The following TEX261 variants were observed in gnomAD, a reference collection of about 807,000 sequenced individuals.
TEX261 encodes testis expressed 261, also known as protein TEX261.
Under a neutral mutation model 25.1 loss-of-function variants are expected in TEX261, and 13 were observed. The observed-to-expected ratio is 0.52, with a 90% CI of 0.34 to 0.82. The LOEUF (loss-of-function observed/expected upper bound fraction) is 0.82, where lower values mean the gene tolerates loss of function less well. TEX261 is among the 40% of genes least tolerant of loss of function. The pLI is 0.02. For missense variants in TEX261, 206 were observed against 243.2 expected, an observed-to-expected ratio of 0.85 and a Z score of 1.02; for synonymous variants, 92 against 97.8, an observed-to-expected ratio of 0.94 and a Z score of 0.35.
chr2:70,993,648 G>A, intron 2 of TEX261, 48 bp downstream of exon 2: 1 of 1,490,068 alleles, frequency 6.7e-7, no homozygotes, highest in African/African-American at 1.4e-5. Context: ...CTGCTTTTGA[G>A]GCAGGGCAAA....
At chr2:70,988,857 G>A (rs1553425247) in intron 5 of TEX261, 58 bp downstream of exon 5, 2 of 1,585,328 alleles carry the variant, frequency 1.3e-6, no homozygotes, top group Admixed American at 3.4e-5. Flanking sequence ...GTGGACCCCT[G>A]CCAACCCAGG....
intron 2 of TEX261, among the ~76,000 whole-genome samples, chr2:70,992,613 C>A (rs1553425766): frequency 6.6e-6 from 1 of 151,932 alleles, no homozygotes; most frequent in Non-Finnish European, 1.5e-5. Flanking sequence ...CCTATAATCC[C>A]AGCTACTCGG....
At chr2:70,989,137 C>T (rs781784575) in intron 4 of TEX261, 120 bp from the exon 5 acceptor site, 1 of 841,846 alleles carries the variant, frequency 1.2e-6, no homozygotes, top group Non-Finnish European at 2.0e-6. Context: ...AAAGGGGGCC[C>T]AGGCCTGGGA....
chr2:70,991,647 A>G (rs1670300235), intron 3 of TEX261, 183 bp downstream of exon 3: 1 of 631,432 alleles, frequency 1.6e-6, no homozygotes, highest in Non-Finnish European at 2.7e-6. Context: ...AACAAATTCT[A>G]TTCACTAGAG....
intron 3 of TEX261, among the ~76,000 whole-genome samples, chr2:70,990,771 T>C (rs1402850249): frequency 1.3e-5 from 2 of 152,176 alleles, no homozygotes; most frequent in African/African-American, 2.4e-5. Flanking sequence ...AAAACTCTTT[T>C]AGGCATTAAA....
At chr2:70,993,554 G>C (rs1475391024) in intron 2 of TEX261, 142 bp downstream of exon 2, 2 of 729,524 alleles carry the variant, frequency 2.7e-6, no homozygotes, top group Non-Finnish European at 4.8e-6. Context: ...AAAAGACAGC[G>C]TTCAGGGCAA....
At chr2:70,989,044 G>A (rs1553425295) in intron 4 of TEX261, 27 bp from the exon 5 acceptor site, 1 of 1,599,610 alleles carries the variant, frequency 6.3e-7, no homozygotes, top group Non-Finnish European at 8.5e-7. Flanking sequence ...CTGAGAAGAG[G>A]GTGCCCCGGA....
At chr2:70,991,681 A>G (rs1227204739) in intron 3 of TEX261, 149 bp downstream of exon 3, 4 of 910,250 alleles carry the variant, frequency 4.4e-6, no homozygotes, top group Non-Finnish European at 6.6e-6. Flanking sequence ...TAGAGTCCTC[A>G]GCAGTAAGAA....
At position 70,994,843 on chromosome 2, in the gene TEX261, C is replaced by A; in HGVS notation, c.-86G>T. The A allele has an allele frequency of 8.0e-7, 1 of 1,251,140 alleles. No individual in the cohort carries two copies. The highest frequency in any genetic ancestry group is 1.0e-6 in the Non-Finnish European group (1 of 995,324). The allele number at this position is 1,251,140 out of a possible 1,614,324, so 77.5% of individuals were successfully genotyped here. ...GACACACAGCCGCCACCGCCGCCGC[C>A]GCCGCCGCGTCCCCGCCCCGCGGAC... is the stretch of plus-strand genomic sequence containing the variant. On this transcript the variant is annotated 5_prime_UTR_variant, in exon 1 of 6. Transcript: ENST00000272438.
intron 1 of TEX261, among the ~76,000 whole-genome samples, chr2:70,994,064 G>A (rs1670357899): frequency 6.6e-6 from 1 of 152,230 alleles, no homozygotes; most frequent in Non-Finnish European, 1.5e-5. Context: ...CACCTGCTGG[G>A]CACTTGGCAT....
In TEX261 at chr2:70,986,248, A is replaced by T. The variant is rs1553424905; in HGVS notation, c.*2352T>A. 1 of 152,702 alleles carries T rather than the reference A, an allele frequency of 6.5e-6. No individual in the cohort carries two copies. The highest frequency in any genetic ancestry group is 1.5e-5 in the Non-Finnish European group (1 of 68,060). The allele number at this position is 152,702 out of a possible 1,614,324, so 9.5% of individuals were successfully genotyped here. ...CAGAGTGGCAATGGAGAGCCACTGCATCTCTGGATACAGGAGGCTGGGACC... is the reference window on the plus strand; with the variant it reads ...CAGAGTGGCAATGGAGAGCCACTGCTTCTCTGGATACAGGAGGCTGGGACC... On this transcript the variant is annotated 3_prime_UTR_variant, in exon 6 of 6. Coordinates refer to ENST00000272438, the MANE Select transcript of TEX261 (RefSeq NM_144582.3).
Position 70,994,671 on chromosome 2 carries a change from G to A in TEX261, c.70+17C>T, listed in dbSNP as rs1670374876. On this transcript the variant is annotated intron_variant, in intron 1 of 5. Transcript: ENST00000272438. ...CCGGGGCGGGAGCCCGCGCGGGCCG[G>A]GGTCGTGCAGTCTCACCGACAGCCA... is the stretch of plus-strand genomic sequence containing the variant. The A allele has an allele frequency of 6.3e-7, 1 of 1,587,420 alleles. No individual in the cohort carries two copies. The highest frequency in any genetic ancestry group is 8.6e-7 in the Non-Finnish European group (1 of 1,168,062).
chr2:70,992,146 A>ATTT (rs112462352), intron 2 of TEX261, among the ~76,000 whole-genome samples, 163 bp from the exon 3 acceptor site: 2 of 136,604 alleles, frequency 1.5e-5, no homozygotes, highest in East Asian at 2.2e-4. Flanking sequence ...AAAAGGCAAC[A>ATTT]TTTTTTTTTT....
chr2:70,991,415 A>G (rs1166979752), intron 3 of TEX261, among the ~76,000 whole-genome samples: 2 of 152,222 alleles, frequency 1.3e-5, no homozygotes, highest in African/African-American at 2.4e-5. Flanking sequence ...TCACAGCCCC[A>G]TGAGGCTCCA....
rs566711376 is a variant in TEX261, at chr2:70,989,592, C to T, written c.372+157G>A. The T allele has an allele frequency of 1.3e-5, 8 of 632,440 alleles. No homozygotes were observed. The African/African-American group carries it at 1.3e-4, about 10-fold the overall frequency. 39.2% of individuals were successfully genotyped at this position (632,440 alleles called of 1,614,324 possible). ...TGAGCACAGTCTGTCCCCATCCACA[C>T]AGCTTTCTCAAACCATCTATGTTTT... On this transcript the variant is annotated intron_variant, in intron 4 of 5. Coordinates refer to ENST00000272438, the MANE Select transcript of TEX261 (RefSeq NM_144582.3).
chr2:70,994,418 G>A, intron 1 of TEX261: 1 of 538,776 alleles, frequency 1.9e-6, no homozygotes, highest in Non-Finnish European at 3.3e-6. Context: ...GCAGCGGTTA[G>A]CGGTCCGCAG....
At chr2:70,992,563 C>G (rs1407218145) in intron 2 of TEX261, among the ~76,000 whole-genome samples, 1 of 152,096 alleles carries the variant, frequency 6.6e-6, no homozygotes, top group African/African-American at 2.4e-5. Flanking sequence ...AACCCCATCT[C>G]TACTAAAAAT....
chr2:70,988,863 C>G (rs1553425249), intron 5 of TEX261, 52 bp downstream of exon 5: 2 of 1,594,446 alleles, frequency 1.3e-6, no homozygotes, highest in East Asian at 4.5e-5. Flanking sequence ...CCCTGCCAAC[C>G]CAGGCCTTGC....
chr2:70,994,497 G>A (rs1323366175), intron 1 of TEX261, 191 bp downstream of exon 1: 15 of 755,990 alleles, frequency 2.0e-5, no homozygotes, highest in African/African-American at 5.6e-5. Context: ...CACCTGGAAG[G>A]AGCCACGGTC....
Sources: gnomAD v4.1 joint callset for allele counts (sites outside exome capture counted in the v4.1 genomes callset) on GRCh38, gnomAD v4.1.1 for gene constraint, MANE v1.5 for transcripts, NCBI Gene and HGNC (gene_info 2026-07-23, HGNC 2026-07-21) for gene names.